WDR72: variants seen among roughly 807,000 people sequenced by gnomAD.
The protein encoded by WDR72 is WD repeat domain 72.
WDR72 carries 120 observed loss-of-function variants against 124.2 expected under a neutral mutation model. The observed-to-expected ratio is 0.97, with a 90% CI of 0.83 to 1.12. The LOEUF is 1.12. Among genes scored for constraint, WDR72 ranks in the 50% most tolerant of loss-of-function variants. WDR72 has a pLI of 0.00. For missense variants in WDR72, 1,387 were observed against 1,278.8 expected (o/e 1.08, Z -1.29); for synonymous variants, 452 against 441.7 (o/e 1.02, Z -0.29).
At chr15:53,724,878 A>G (rs1484829549) in intron 2 of WDR72, among the ~76,000 whole-genome samples, 3 of 152,218 alleles carry the variant, frequency 2.0e-5, no homozygotes, top group Non-Finnish European at 4.4e-5. Flanking sequence ...CATAGACTAA[A>G]TATCAGACCA....
chr15:53,538,468 C>T (rs899655514), intron 18 of WDR72, among the ~76,000 whole-genome samples: 1 of 152,054 alleles, frequency 6.6e-6, no homozygotes, highest in African/African-American at 2.4e-5. Context: ...GGTCATTTGA[C>T]GGTGTATACA....
At position 53,702,902 on chromosome 15, in the gene WDR72, ATT is replaced by A. The variant is rs34689229; in HGVS notation, c.1349-550_1349-549del. Among the ~76,000 whole-genome samples, 647 of 143,646 alleles carry A rather than the reference ATT, an allele frequency of 4.5e-3. 2 individuals carry two copies. The highest frequency in any genetic ancestry group is 0.014 in the Middle Eastern group (4 of 276). The allele number at this position is 143,646 out of a possible 152,430, so 94.2% of individuals were successfully genotyped here. ...TTCAGAATATTACTTATTTTCATTC[ATT>A]TTTTTTTTTTTTTGAGACAGGGTCT... is the stretch of plus-strand genomic sequence containing the variant. On this transcript the variant is annotated intron_variant, in intron 11 of 19. Coordinates refer to ENST00000360509, the MANE Select transcript of WDR72 (RefSeq NM_182758.4).
intron 1 of WDR72, among the ~76,000 whole-genome samples, chr15:53,748,706 T>A (rs1314776897): frequency 6.6e-6 from 1 of 152,112 alleles, no homozygotes. Flanking sequence ...CAACATTCCA[T>A]CACTTTTTCT....
intron 17 of WDR72, among the ~76,000 whole-genome samples, chr15:53,606,738 C>T (rs954752518): frequency 6.6e-6 from 1 of 152,078 alleles, no homozygotes; most frequent in Admixed American, 6.6e-5. Context: ...AATGAGAATT[C>T]TAGCCCAAGA....
rs181849541 is a variant in WDR72, at chr15:53,586,738, G to A, written c.3148+10341C>T. On this transcript the variant is annotated intron_variant, in intron 18 of 19. Coordinates refer to ENST00000360509, the MANE Select transcript of WDR72 (RefSeq NM_182758.4). ...TGAAAGTGAATGAATAGGATAAGAA[G>A]CCCCTTTTCTAATGGTGGAGACAGA... Among the ~76,000 whole-genome samples, 298 of 152,140 alleles carry A rather than the reference G, an allele frequency of 2.0e-3. 3 individuals are homozygous for A. The highest frequency in any genetic ancestry group is 7.0e-3 in the African/African-American group (290 of 41,532).
intron 14 of WDR72, among the ~76,000 whole-genome samples, chr15:53,635,329 G>C (rs2014584098): frequency 1.3e-5 from 2 of 152,232 alleles, no homozygotes; most frequent in African/African-American, 4.8e-5. Flanking sequence ...TTTTAATTTA[G>C]AAAAACTCAG....
intron 18 of WDR72, among the ~76,000 whole-genome samples, chr15:53,585,802 G>A (rs1198809907): frequency 6.6e-6 from 1 of 151,924 alleles, no homozygotes; most frequent in Non-Finnish European, 1.5e-5. Flanking sequence ...TCCAACGCTG[G>A]GTCAGATATT....
intron 19 of WDR72, among the ~76,000 whole-genome samples, chr15:53,519,965 A>G (rs1412065953): frequency 6.6e-6 from 1 of 152,096 alleles, no homozygotes; most frequent in Non-Finnish European, 1.5e-5. Flanking sequence ...CGAAGTGGTT[A>G]TTTCTATTTT....
Position 53,710,857 on chromosome 15 carries a change from C to T in WDR72, c.954G>A (p.Lys318=), listed in dbSNP as rs369783748. 31 of 1,610,034 alleles carry T rather than the reference C, an allele frequency of 1.9e-5. No homozygotes were observed. In the Admixed American group the frequency reaches 2.8e-4, roughly 15 times the overall value. ...LLCSTSVQEN[K]EQSRPFVMGY... ...GGCAGTCACTCTTTTCTTGCATTAC[C>T]TTATTTTCCTGCACAGAAGTAGAGC... The change falls in exon 9 of 20, where the codon AAG becomes AAA. Residue 318 remains lysine (K), a splice_region_variant and synonymous_variant. Transcript: ENST00000360509.
At position 53,718,795 on chromosome 15, in the gene WDR72, A is replaced by T. The variant is rs184159555; in HGVS notation, c.261-2110T>A. ...GAATTTTAAAAATCTTAAGATTTTT[A>T]AAAATTTTAAAAACCTTAAGATTTT... On this transcript the variant is annotated intron_variant, in intron 3 of 19. Transcript: ENST00000360509. 2.6e-3 allele frequency among the ~76,000 whole-genome samples: 198 copies of T among 74,800 alleles called. 1 individual carries two copies. Among genetic ancestry groups the T allele is most frequent in the African/African-American group, 7.8e-3 (190 of 24,254 alleles). The allele number at this position is 74,800 out of a possible 152,430, so 49.1% of individuals were successfully genotyped here. A position where few individuals can be genotyped will look rare whatever the true frequency, so the allele number is the denominator to read the frequency against.
Position 53,523,076 on chromosome 15 carries a change from C to G in WDR72, c.3253+142G>C, listed in dbSNP as rs1891887113. 2.8e-5 allele frequency: 22 copies of G among 798,720 alleles called. No individual in the cohort carries two copies. In the Admixed American group the frequency reaches 3.2e-4, roughly 11 times the overall value. The allele number at this position is 798,720 out of a possible 1,614,324, so 49.5% of individuals were successfully genotyped here. A position where few individuals can be genotyped will look rare whatever the true frequency, so the allele number is the denominator to read the frequency against. On this transcript the variant is annotated intron_variant, in intron 19 of 19. Transcript: ENST00000360509. ...AGATAACAGCTCCACACTGTGACCC[C>G]TGGAGGTGACCATTAATTTGACAGT...
intron 14 of WDR72, among the ~76,000 whole-genome samples, chr15:53,632,814 G>A (rs925404101): frequency 4.6e-5 from 7 of 152,346 alleles, no homozygotes; most frequent in South Asian, 2.1e-4. Context: ...TATGGGACCC[G>A]TAGTCCCTTT....
rs141345200 is a variant in WDR72 at position 53,682,856 on chromosome 15, T to C, written c.1765+16894A>G. Among the ~76,000 whole-genome samples, 46 of 152,292 alleles carry C rather than the reference T, an allele frequency of 3.0e-4. 1 individual carries two copies. Among genetic ancestry groups the C allele is most frequent in the Admixed American group, 1.2e-3 (18 of 15,296 alleles). On this transcript the variant is annotated intron_variant, in intron 13 of 19. Coordinates refer to ENST00000360509, the MANE Select transcript of WDR72 (RefSeq NM_182758.4). ...TATTCCACTCTACTTATACCAGTTCTCTGTATTAGTCTGTTTTCACACTGC... is the reference window on the plus strand; with the variant it reads ...TATTCCACTCTACTTATACCAGTTCCCTGTATTAGTCTGTTTTCACACTGC...
rs1891512768 is a variant in WDR72, at chr15:53,517,215, T to A, written c.*484A>T. The A allele has an allele frequency of 5.9e-6, 1 of 170,420 alleles. No individual in the cohort carries two copies. Among genetic ancestry groups the A allele is most frequent in the African/African-American group, 2.4e-5 (1 of 41,580 alleles). 10.6% of individuals were successfully genotyped at this position (170,420 alleles called of 1,614,324 possible). ...AGTAATTGATCCGAATTAAAGCATA[T>A]CCACTAAAACAAAATATCCTAACCA... On this transcript the variant is annotated 3_prime_UTR_variant, in exon 20 of 20. Transcript: ENST00000360509.
At chr15:53,761,442 TATG>T (rs1334983310), upstream of WDR72, among the ~76,000 whole-genome samples, 2 of 152,290 alleles carry the variant, frequency 1.3e-5, no homozygotes, top group Non-Finnish European at 2.9e-5. Context: ...AAAACTACCA[TATG>T]ATCCAGCAAT....
chr15:53,616,193 C>G lies in WDR72; in HGVS notation c.2013G>C (p.Lys671Asn). ...CPRPFNVLPV[K>N]TKWSNVGFHI... ...GAAAGCCAACGTTACTCCATTTTGTCTTCACAGGCAAGACATTAAAAGGTC... is the reference window on the plus strand; with the variant it reads ...GAAAGCCAACGTTACTCCATTTTGTGTTCACAGGCAAGACATTAAAAGGTC... The change falls in exon 15 of 20, where the codon AAG (lysine) becomes AAC (asparagine). Residue 671 changes from lysine (K) to asparagine (N), a missense_variant. Coordinates refer to ENST00000360509, the MANE Select transcript of WDR72 (RefSeq NM_182758.4). 6.2e-7 allele frequency: 1 copy of G among 1,605,656 alleles called. No individual in the cohort carries two copies. Among genetic ancestry groups the G allele is most frequent in the Non-Finnish European group, 8.5e-7 (1 of 1,178,724 alleles).
chr15:53,667,102 A>G (rs1269036781), intron 13 of WDR72, among the ~76,000 whole-genome samples: 1 of 152,182 alleles, frequency 6.6e-6, no homozygotes, highest in African/African-American at 2.4e-5. Flanking sequence ...CTGTAATCCC[A>G]GCACTTTTGG....
chr15:53,732,747 T>A (rs1355740541), intron 2 of WDR72, among the ~76,000 whole-genome samples: 2 of 152,208 alleles, frequency 1.3e-5, no homozygotes, highest in Admixed American at 6.5e-5. Context: ...AAACTCAGCA[T>A]AGCTTAAAGG....
chr15:53,694,054 C>A (rs2016926715), intron 13 of WDR72, among the ~76,000 whole-genome samples: 1 of 152,126 alleles, frequency 6.6e-6, no homozygotes, highest in African/African-American at 2.4e-5. Context: ...TAAACCCAAG[C>A]CCCAAGCTGC....
Sources: gnomAD v4.1 joint callset for allele counts (sites outside exome capture counted in the v4.1 genomes callset) on GRCh38, gnomAD v4.1.1 for gene constraint, MANE v1.5 for transcripts, NCBI Gene and HGNC (gene_info 2026-07-23, HGNC 2026-07-21) for gene names.